TMOD3: variants seen among roughly 807,000 people sequenced by gnomAD.
TMOD3 encodes the protein tropomodulin-3.
Under a neutral mutation model 39.2 loss-of-function variants are expected in TMOD3, and 20 were observed. That is an observed-to-expected ratio of 0.51 (90% confidence interval 0.36 to 0.74). TMOD3 has a LOEUF of 0.74. Ranked by LOEUF, TMOD3 falls within the 30% of genes least tolerant of loss-of-function variation. TMOD3 has a pLI of 0.00. For synonymous variants in TMOD3, 143 were observed against 145.8 expected, an observed-to-expected ratio of 0.98 and a Z score of 0.14; for missense variants, 381 against 412.8, an observed-to-expected ratio of 0.92 and a Z score of 0.67.
rs934497857 is a variant in TMOD3 at position 51,829,703 on chromosome 15, G to A, written c.-208G>A. 2 of 152,354 alleles carry A rather than the reference G, an allele frequency of 1.3e-5. No homozygotes were observed. Among genetic ancestry groups the A allele is most frequent in the Non-Finnish European group, 2.9e-5 (2 of 68,126 alleles). 9.4% of individuals were successfully genotyped at this position (152,354 alleles called of 1,614,324 possible). Reference sequence around the variant, plus strand: ...GGGCGGTCGAGTGAGGGAGCTGCTGGCGGGTGGGTCTGGCAACTCTTTGGG... The same window carrying A: ...GGGCGGTCGAGTGAGGGAGCTGCTGACGGGTGGGTCTGGCAACTCTTTGGG... On this transcript the variant is annotated 5_prime_UTR_variant, in exon 1 of 10. Transcript: ENST00000308580.
chr15:51,856,398 A>G (rs1326833631), intron 1 of TMOD3, among the ~76,000 whole-genome samples: 1 of 152,262 alleles, frequency 6.6e-6, no homozygotes, highest in East Asian at 1.9e-4. Context: ...TTCTTGCCTC[A>G]TGGCAAAATT....
At chr15:51,868,845 G>C (rs569640355) in intron 2 of TMOD3, among the ~76,000 whole-genome samples, 1 of 152,088 alleles carries the variant, frequency 6.6e-6, no homozygotes, top group Non-Finnish European at 1.5e-5. Flanking sequence ...GGTGGCAGGC[G>C]CCTGTAATCC....
chr15:51,866,317 G>A (rs992284213), intron 2 of TMOD3, among the ~76,000 whole-genome samples: 1 of 152,036 alleles, frequency 6.6e-6, no homozygotes, highest in Non-Finnish European at 1.5e-5. Flanking sequence ...TTAGCCGGGG[G>A]CATGGTGGTG....
chr15:51,834,507 G>A (rs1437923271), intron 1 of TMOD3, among the ~76,000 whole-genome samples: 1 of 152,070 alleles, frequency 6.6e-6, no homozygotes, highest in African/African-American at 2.4e-5. Context: ...TAGATATCTA[G>A]TTGTTCCAGC....
In TMOD3 at chr15:51,909,095, A is replaced by C; in HGVS notation, c.*285A>C. On this transcript the variant is annotated 3_prime_UTR_variant, in exon 10 of 10. Transcript: ENST00000308580. ...ACAACTGTAAAAAATTTCACAGGTC[A>C]TTTGTGTAGAATAATTTGAACATTG... 1 of 282,116 alleles carries C rather than the reference A, an allele frequency of 3.5e-6. No individual in the cohort carries two copies. The highest frequency in any genetic ancestry group is 6.5e-6 in the Non-Finnish European group (1 of 152,820). 17.5% of individuals were successfully genotyped at this position (282,116 alleles called of 1,614,324 possible). A position where few individuals can be genotyped will look rare whatever the true frequency, so the allele number is the denominator to read the frequency against.
Position 51,837,340 on chromosome 15 carries a change from A to G in TMOD3, c.-75+7504A>G, listed in dbSNP as rs141120619. ...CAGCCCTTACCCTGAGGCAAACGTG[A>G]CAAGATATGATACAACCCCCAAGAT... On this transcript the variant is annotated intron_variant, in intron 1 of 9. Coordinates refer to ENST00000308580, the MANE Select transcript of TMOD3 (RefSeq NM_014547.5). Among the ~76,000 whole-genome samples the G allele has an allele frequency of 5.9e-5, 9 of 152,284 alleles. No homozygotes were observed. The East Asian group carries it at 1.5e-3, about 26-fold the overall frequency.
At position 51,869,308 on chromosome 15, in the gene TMOD3, T is replaced by C. The variant is rs990397782; in HGVS notation, c.218T>C (p.Leu73Pro). The change falls in exon 3 of 10, where the codon CTG becomes CCG. Residue 73 changes from leucine (L) to proline (P), a missense_variant. Physicochemically the swap from Leu to Pro is moderately conservative, Grantham distance 98. Coordinates refer to ENST00000308580, the MANE Select transcript of TMOD3 (RefSeq NM_014547.5). ...GATAGAGAGCATCTCCTTTCATATC[T>C]GGAGAAAGAAGCATTGGAGCATAAA... ...PFDREHLLSY[L>P]EKEALEHKDR... 1 of 1,614,112 alleles carries C rather than the reference T, an allele frequency of 6.2e-7. No homozygotes were observed. The highest frequency in any genetic ancestry group is 8.5e-7 in the Non-Finnish European group (1 of 1,179,986).
chr15:51,838,223 G>A (rs2056296200), intron 1 of TMOD3, among the ~76,000 whole-genome samples: 1 of 151,966 alleles, frequency 6.6e-6, no homozygotes, highest in African/African-American at 2.4e-5. Context: ...TCCTCTCTGT[G>A]TAGCTAATTC....
At chr15:51,869,092 C>A in intron 2 of TMOD3, 125 bp from the exon 3 acceptor site, 1 of 990,098 alleles carries the variant, frequency 1.0e-6, no homozygotes, top group Non-Finnish European at 1.5e-6. Context: ...TAAAATCCTG[C>A]AATGAAGTGT....
intron 9 of TMOD3, among the ~76,000 whole-genome samples, chr15:51,902,689 G>T (rs1209336948): frequency 8.5e-6 from 1 of 117,162 alleles, no homozygotes; most frequent in African/African-American, 3.3e-5. Context: ...TTGCTCTGTC[G>T]CCCAGGCTGG....
intron 1 of TMOD3, among the ~76,000 whole-genome samples, chr15:51,846,933 G>C (rs1314700737): frequency 1.3e-5 from 2 of 152,118 alleles, no homozygotes; most frequent in East Asian, 3.8e-4. Context: ...GTATGCTAAG[G>C]GTGTGGCTAT....
chr15:51,887,493 C>T, intron 3 of TMOD3, 96 bp from the exon 4 acceptor site: 2 of 1,260,736 alleles, frequency 1.6e-6, no homozygotes, highest in Non-Finnish European at 2.2e-6. Context: ...TAATCTTTTC[C>T]TTCAGGTTCA....
intron 1 of TMOD3, among the ~76,000 whole-genome samples, chr15:51,846,153 CAA>C (rs71130104): frequency 2.2e-5 from 3 of 138,160 alleles, no homozygotes; most frequent in Non-Finnish European, 1.6e-5. Context: ...CCATTTCTAC[CAA>C]AAAAAAAAAA....
intron 3 of TMOD3, among the ~76,000 whole-genome samples, chr15:51,872,557 T>C (rs774373522): frequency 6.6e-6 from 1 of 151,804 alleles, no homozygotes; most frequent in Non-Finnish European, 1.5e-5. Context: ...ATTCCGGGCA[T>C]CTGGCATGCC....
chr15:51,860,671 C>G (rs1031215428), intron 1 of TMOD3: 4 of 491,126 alleles, frequency 8.1e-6, no homozygotes, highest in South Asian at 3.0e-5. Context: ...CACGGTGGCT[C>G]ATGCCTGTAG....
intron 1 of TMOD3, among the ~76,000 whole-genome samples, chr15:51,837,080 A>ATATG (rs1183664376): frequency 6.6e-6 from 1 of 151,942 alleles, no homozygotes; most frequent in Non-Finnish European, 1.5e-5. Context: ...TGATATATAT[A>ATATG]TATATAGACT....
chr15:51,898,358 G>A (rs148512992), intron 7 of TMOD3, among the ~76,000 whole-genome samples: 62 of 152,202 alleles, frequency 4.1e-4, no homozygotes, highest in African/African-American at 8.2e-4. Context: ...TTTCCTGACC[G>A]TGCTATATAA....
At position 51,912,321 on chromosome 15, in the gene TMOD3, G is replaced by C. The variant is rs2056715585; in HGVS notation, c.*3511G>C. The C allele has an allele frequency of 6.6e-6, 1 of 151,902 alleles. No individual in the cohort carries two copies. The highest frequency in any genetic ancestry group is 2.4e-5 in the African/African-American group (1 of 41,322). The allele number at this position is 151,902 out of a possible 1,614,324, so 9.4% of individuals were successfully genotyped here. A position where few individuals can be genotyped will look rare whatever the true frequency, so the allele number is the denominator to read the frequency against. On this transcript the variant is annotated 3_prime_UTR_variant, in exon 10 of 10. Transcript: ENST00000308580. ...ACACACCTGTGATCTCAGCTACTCG[G>C]GAGGCTGAGGCAGGAGAATCACTAG...
chr15:51,902,338 A>G (rs1040470121), intron 9 of TMOD3, among the ~76,000 whole-genome samples: 1 of 152,258 alleles, frequency 6.6e-6, no homozygotes, highest in African/African-American at 2.4e-5. Context: ...ATTGAAACAA[A>G]GATTTCAACA....
Sources: gnomAD v4.1 joint callset for allele counts (sites outside exome capture counted in the v4.1 genomes callset) on GRCh38, gnomAD v4.1.1 for gene constraint, MANE v1.5 for transcripts, NCBI Gene and HGNC (gene_info 2026-07-23, HGNC 2026-07-21) for gene names.